Variants in HS6ST3 observed in about 807,000 individuals in gnomAD.
HS6ST3 encodes heparan sulfate 6-O-sulfotransferase 3, also known as heparan-sulfate 6-O-sulfotransferase 3.
Under a neutral mutation model 36.7 loss-of-function variants are expected in HS6ST3, and 12 were observed. The ratio of observed to expected loss-of-function variants is 0.33; its 90% CI spans 0.21 to 0.53. HS6ST3 has a LOEUF of 0.53. Among genes scored for constraint, HS6ST3 ranks in the 20% least tolerant of loss-of-function variants. The pLI is 0.95. For synonymous variants in HS6ST3, 240 were observed against 257.5 expected, an observed-to-expected ratio of 0.93 and a Z score of 0.65; for missense variants, 584 against 640.9, an observed-to-expected ratio of 0.91 and a Z score of 0.96.
intron 1 of HS6ST3, among the ~76,000 whole-genome samples, chr13:96,237,930 C>T (rs1297895259): frequency 6.6e-6 from 1 of 152,094 alleles, no homozygotes; most frequent in Non-Finnish European, 1.5e-5. Flanking sequence ...TAAACCTGGG[C>T]CTTGGTTTTT....
intron 1 of HS6ST3, among the ~76,000 whole-genome samples, chr13:96,426,168 T>C (rs547595644): frequency 6.6e-6 from 1 of 152,182 alleles, no homozygotes; most frequent in African/African-American, 2.4e-5. Flanking sequence ...AGACCCCTGC[T>C]TCAGGCAGGG....
rs146797248 is a variant in HS6ST3 at position 96,460,948 on chromosome 13, C to T, written c.707+369379C>T. Among the ~76,000 whole-genome samples, 1,008 of 152,286 alleles carry T rather than the reference C, an allele frequency of 6.6e-3. 17 individuals carry two copies. Among genetic ancestry groups the T allele is most frequent in the Non-Finnish European group, 5.0e-3 (340 of 68,036 alleles). On this transcript the variant is annotated intron_variant, in intron 1 of 1. Transcript: ENST00000376705. The stretch of plus-strand genomic sequence containing the variant: ...CCTGGGGCAGAAATGAAAAAAGCAT[C>T]GTAAGTGCTATGGAACAACCCACTG...
At chr13:96,398,900 A>T (rs1468804538) in intron 1 of HS6ST3, among the ~76,000 whole-genome samples, 1 of 152,230 alleles carries the variant, frequency 6.6e-6, no homozygotes, top group Non-Finnish European at 1.5e-5. Context: ...TCCAGCAACT[A>T]GACAGAGACC....
intron 1 of HS6ST3, among the ~76,000 whole-genome samples, chr13:96,222,060 A>G (rs2054458422): frequency 6.6e-6 from 1 of 152,222 alleles, no homozygotes; most frequent in Non-Finnish European, 1.5e-5. Context: ...TGAAATACAG[A>G]TGATGAAATT....
At chr13:96,519,762 A>G (rs1308019376) in intron 1 of HS6ST3, among the ~76,000 whole-genome samples, 1 of 152,184 alleles carries the variant, frequency 6.6e-6, no homozygotes, top group Admixed American at 6.5e-5. Context: ...CTCAGTGTAA[A>G]GAAGGCAAAA....
intron 1 of HS6ST3, among the ~76,000 whole-genome samples, chr13:96,342,778 A>G (rs1410168111): frequency 2.6e-5 from 4 of 152,220 alleles, no homozygotes; most frequent in African/African-American, 9.6e-5. Flanking sequence ...CGCTGTGTCA[A>G]GTGCAGATCA....
intron 1 of HS6ST3, among the ~76,000 whole-genome samples, chr13:96,677,967 G>A (rs1424791158): frequency 6.6e-6 from 1 of 152,072 alleles, no homozygotes; most frequent in African/African-American, 2.4e-5. Flanking sequence ...ATTTCATGCT[G>A]CTGTAACAGA....
rs541266400 is a variant in HS6ST3 at position 96,826,414 on chromosome 13, G to A, written c.708-6076G>A. Reference sequence around the variant, plus strand: ...TGTAGTGATAATGTTCTTTTACATAGCAATTTTTTTTTAATATCTGCTGTG... The same window carrying A: ...TGTAGTGATAATGTTCTTTTACATAACAATTTTTTTTTAATATCTGCTGTG... On this transcript the variant is annotated intron_variant, in intron 1 of 1. Transcript: ENST00000376705. Among the ~76,000 whole-genome samples, 7 of 152,222 alleles carry A rather than the reference G, an allele frequency of 4.6e-5. No individual in the cohort carries two copies. The East Asian group carries it at 1.4e-3, about 29-fold the overall frequency.
intron 1 of HS6ST3, among the ~76,000 whole-genome samples, chr13:96,172,730 GA>G (rs1368185611): frequency 6.6e-6 from 1 of 152,322 alleles, no homozygotes. Flanking sequence ...AGTTAGGGAT[GA>G]AAAGGAGAAA....
At chr13:96,592,549 T>A (rs2056386377) in intron 1 of HS6ST3, among the ~76,000 whole-genome samples, 1 of 152,160 alleles carries the variant, frequency 6.6e-6, no homozygotes, top group African/African-American at 2.4e-5. Flanking sequence ...CTCATTAACA[T>A]CCTTTACTTT....
intron 1 of HS6ST3, among the ~76,000 whole-genome samples, chr13:96,571,795 A>G (rs922349938): frequency 6.6e-6 from 1 of 152,224 alleles, no homozygotes; most frequent in African/African-American, 2.4e-5. Context: ...AGTCAAAGAT[A>G]GTTTGTATAT....
intron 1 of HS6ST3, among the ~76,000 whole-genome samples, chr13:96,693,702 T>C (rs1875043111): frequency 6.6e-6 from 1 of 152,162 alleles, no homozygotes; most frequent in Non-Finnish European, 1.5e-5. Flanking sequence ...AAGCAGAACC[T>C]AGGAGGAATT....
At chr13:96,125,583 G>A (rs543292052) in intron 1 of HS6ST3, among the ~76,000 whole-genome samples, 1 of 151,906 alleles carries the variant, frequency 6.6e-6, no homozygotes, top group East Asian at 1.9e-4. Context: ...ATAGCATAAG[G>A]CACAGTATAA....
intron 1 of HS6ST3, among the ~76,000 whole-genome samples, chr13:96,761,728 A>G (rs562580470): frequency 2.0e-5 from 3 of 152,270 alleles, no homozygotes; most frequent in South Asian, 2.1e-4. Flanking sequence ...ATTCATTTAC[A>G]TAAGTATTAT....
intron 1 of HS6ST3, among the ~76,000 whole-genome samples, chr13:96,677,889 G>T (rs568685646): frequency 9.9e-5 from 15 of 152,232 alleles, no homozygotes; most frequent in Middle Eastern, 3.4e-3. Flanking sequence ...TTAAATTAGA[G>T]AAATATTTTT....
intron 1 of HS6ST3, among the ~76,000 whole-genome samples, chr13:96,792,522 T>A (rs1877816186): frequency 6.6e-6 from 1 of 151,936 alleles, no homozygotes; most frequent in South Asian, 2.1e-4. Context: ...TGTAAAATAG[T>A]CTTTTACTTG....
intron 1 of HS6ST3, among the ~76,000 whole-genome samples, chr13:96,152,758 T>C (rs1179768563): frequency 6.6e-6 from 1 of 152,156 alleles, no homozygotes; most frequent in Admixed American, 6.6e-5. Context: ...AAACCTCCAA[T>C]GGCTTCTCTG....
chr13:96,175,403 G>C (rs989302580), intron 1 of HS6ST3, among the ~76,000 whole-genome samples: 4 of 150,702 alleles, frequency 2.7e-5, no homozygotes, highest in Admixed American at 6.6e-5. Flanking sequence ...CTTTATCTTT[G>C]ATATGTGAAG....
chr13:96,436,266 A>G (rs1416581603), intron 1 of HS6ST3, among the ~76,000 whole-genome samples: 1 of 152,218 alleles, frequency 6.6e-6, no homozygotes, highest in Non-Finnish European at 1.5e-5. Flanking sequence ...TGCCTGGTCT[A>G]AATTTGTAAC....
Sources: allele counts gnomAD v4.1 joint callset (sites outside exome capture counted in the v4.1 genomes callset), GRCh38; gene constraint gnomAD v4.1.1; transcripts MANE v1.5; gene names NCBI Gene and HGNC (gene_info 2026-07-23, HGNC 2026-07-21).